Variants in XRRA1 observed in about 807,000 individuals in gnomAD.
The protein encoded by XRRA1 is X-ray radiation resistance associated 1, also known as X-ray radiation resistance-associated protein 1.
In XRRA1, 69 loss-of-function variants were observed where a neutral mutation model predicts 80.2. The observed-to-expected ratio is 0.86, with a 90% CI of 0.71 to 1.05. XRRA1 has a LOEUF of 1.05. XRRA1 is among the 50% of genes least tolerant of loss of function. The pLI, the probability that XRRA1 is intolerant of heterozygous loss-of-function variation, is 0.00. For missense variants in XRRA1, 967 were observed against 976.4 expected, an observed-to-expected ratio of 0.99 and a Z score of 0.13; for synonymous variants, 348 against 389.9, an observed-to-expected ratio of 0.89 and a Z score of 1.27.
At chr11:74,892,192 G>A (rs922736398) in intron 10 of XRRA1, among the ~76,000 whole-genome samples, 9 of 152,056 alleles carry the variant, frequency 5.9e-5, no homozygotes, top group Non-Finnish European at 1.2e-4. Context: ...GCATGGTACC[G>A]GTACCAAAAC....
chr11:74,884,709 A>G (rs116423051), intron 10 of XRRA1, among the ~76,000 whole-genome samples: 3,731 of 152,258 alleles, frequency 0.025, 160 homozygotes, highest in African/African-American at 0.085. Context: ...CCATGAGACA[A>G]TGAACCTTAG....
intron 11 of XRRA1, among the ~76,000 whole-genome samples, chr11:74,862,587 CA>C (rs925455418): frequency 3.9e-5 from 6 of 152,208 alleles, no homozygotes; most frequent in Non-Finnish European, 1.5e-5. Flanking sequence ...GTGTATCTGG[CA>C]AGGACTTTTC....
rs1316015835 is a variant in XRRA1 at position 74,902,742 on chromosome 11, G to C, written c.1003+3497C>G. Among the ~76,000 whole-genome samples, 3 of 152,208 alleles carry C rather than the reference G, an allele frequency of 2.0e-5. No homozygotes were observed. In the East Asian group the frequency reaches 5.8e-4, roughly 29 times the overall value. On this transcript the variant is annotated intron_variant, in intron 10 of 18. Transcript: ENST00000684022. Reference sequence around the variant, plus strand: ...AAACAATTGAACTCATGGACACAGAGAGTAGAAAGATGGTTACCAGAGGCT... The same window carrying C: ...AAACAATTGAACTCATGGACACAGACAGTAGAAAGATGGTTACCAGAGGCT...
intron 10 of XRRA1, among the ~76,000 whole-genome samples, chr11:74,894,859 A>G (rs1040956727): frequency 6.6e-6 from 1 of 152,256 alleles, no homozygotes; most frequent in African/African-American, 2.4e-5. Flanking sequence ...AAAAGAAGAT[A>G]TAAAACTGTC....
At chr11:74,919,684 T>G (rs1049044850) in intron 8 of XRRA1, 7 of 532,694 alleles carry the variant, frequency 1.3e-5, no homozygotes, top group Non-Finnish European at 2.6e-5. Flanking sequence ...CACAAGTGCA[T>G]CCATGGAGTG....
intron 5 of XRRA1, chr11:74,933,334 T>C (rs560136252): frequency 6.5e-6 from 1 of 153,368 alleles, no homozygotes; most frequent in Non-Finnish European, 1.5e-5. Context: ...CTTGGCTCAC[T>C]GCAACCTCTG....
chr11:74,866,279 G>A (rs1451818128), intron 10 of XRRA1, among the ~76,000 whole-genome samples: 1 of 151,814 alleles, frequency 6.6e-6, no homozygotes, highest in Non-Finnish European at 1.5e-5. Context: ...TTGGAGACAG[G>A]CTCTCATTCT....
At chr11:74,845,692 G>C (rs1037759528) in intron 15 of XRRA1, among the ~76,000 whole-genome samples, 7 of 152,216 alleles carry the variant, frequency 4.6e-5, no homozygotes, top group African/African-American at 1.4e-4. Context: ...ACTAAAGATT[G>C]GTACAGTTAA....
chr11:74,930,768 G>A (rs544494572), intron 5 of XRRA1, among the ~76,000 whole-genome samples: 110 of 152,214 alleles, frequency 7.2e-4, no homozygotes, highest in Middle Eastern at 3.4e-3. Flanking sequence ...ATCCTGAATT[G>A]GAGACTATCA....
chr11:74,844,317 T>A, intron 16 of XRRA1, 34 bp from the exon 17 acceptor site: 2 of 1,520,382 alleles, frequency 1.3e-6, no homozygotes, highest in Middle Eastern at 2.3e-4. Context: ...GTCAAGGCAC[T>A]TCCCCCTCCT....
chr11:74,904,821 G>A (rs186030271), intron 10 of XRRA1, among the ~76,000 whole-genome samples: 3 of 140,858 alleles, frequency 2.1e-5, no homozygotes, highest in Non-Finnish European at 3.0e-5. Flanking sequence ...ATTTTACAAC[G>A]ATTAAAATAC....
intron 11 of XRRA1, among the ~76,000 whole-genome samples, chr11:74,861,744 A>G (rs2135941225): frequency 6.6e-6 from 1 of 152,344 alleles, no homozygotes; most frequent in East Asian, 1.9e-4. Flanking sequence ...GCTGCATTAT[A>G]GTAAAACTGT....
intron 10 of XRRA1, among the ~76,000 whole-genome samples, chr11:74,897,523 C>T (rs1233348810): frequency 6.6e-6 from 1 of 151,594 alleles, no homozygotes; most frequent in Admixed American, 6.6e-5. Flanking sequence ...TATAGAACAC[C>T]AAGTAGATTT....
intron 10 of XRRA1, chr11:74,863,783 C>T (rs2042811761): frequency 6.6e-6 from 1 of 152,170 alleles, no homozygotes. Context: ...GATGGAACAA[C>T]ATGGCATAAA....
rs550107161 is a variant in XRRA1 at position 74,939,013 on chromosome 11, C to T, written c.94+1772G>A. ...ACTGTAGTGTTTGAATAGTGACTTT[C>T]TATTTCCCTCATTCCTTCTACATTT... On this transcript the variant is annotated intron_variant, in intron 3 of 18. Transcript: ENST00000684022. Among the ~76,000 whole-genome samples the T allele has an allele frequency of 7.9e-5, 12 of 152,352 alleles. No homozygotes were observed. In the South Asian group the frequency reaches 2.5e-3, roughly 32 times the overall value.
At chr11:74,912,556 G>A (rs537839347) in intron 8 of XRRA1, among the ~76,000 whole-genome samples, 17 of 152,290 alleles carry the variant, frequency 1.1e-4, no homozygotes, top group African/African-American at 3.4e-4. Context: ...CTCGGAGGAC[G>A]TATACACTAG....
At chr11:74,886,526 C>T (rs957712261) in intron 10 of XRRA1, among the ~76,000 whole-genome samples, 12 of 151,098 alleles carry the variant, frequency 7.9e-5, no homozygotes, top group African/African-American at 2.2e-4. Flanking sequence ...AGCTCTACAA[C>T]AAGAGTTATA....
intron 10 of XRRA1, among the ~76,000 whole-genome samples, chr11:74,864,725 A>C (rs2043024624): frequency 6.6e-6 from 1 of 152,210 alleles, no homozygotes; most frequent in African/African-American, 2.4e-5. Flanking sequence ...CTTAGCAGTA[A>C]GCCTGAAAGT....
chr11:74,922,614 C>G (rs972343356), intron 7 of XRRA1, among the ~76,000 whole-genome samples: 5 of 152,132 alleles, frequency 3.3e-5, no homozygotes, highest in African/African-American at 1.2e-4. Flanking sequence ...GCAACTTATT[C>G]AATTGGTACA....
Sources: allele counts gnomAD v4.1 joint callset (sites outside exome capture counted in the v4.1 genomes callset), GRCh38; gene constraint gnomAD v4.1.1; transcripts MANE v1.5; gene names NCBI Gene and HGNC (gene_info 2026-07-23, HGNC 2026-07-21).